The following CUL5 variants were observed in gnomAD, a reference collection of about 807,000 sequenced individuals.
CUL5 encodes cullin 5, also known as cullin-5.
CUL5 carries 26 observed loss-of-function variants against 108.8 expected under a neutral mutation model. The observed-to-expected ratio is 0.24, with a 90% CI of 0.18 to 0.33. CUL5 has a LOEUF of 0.33. CUL5 is among the 10% of genes least tolerant of loss of function. CUL5 has a pLI of 1.00. For missense variants in CUL5, 524 were observed against 909.2 expected (o/e 0.58, Z 5.45); for synonymous variants, 334 against 298.0 (o/e 1.12, Z -1.25).
rs1470042819 is a variant in CUL5 at position 108,033,824 on chromosome 11, A to G, written c.47A>G (p.Glu16Gly). The G allele has an allele frequency of 7.5e-6, 12 of 1,607,800 alleles. No individual in the cohort carries two copies. The highest frequency in any genetic ancestry group is 1.3e-5 in the African/African-American group (1 of 74,532). Residue 16 changes from glutamate (E) to glycine (G), a missense_variant, in exon 2 of 19, where the codon GAA becomes GGA. Transcript: ENST00000393094. ...AAGAATAAAGGTTCTCTTCAGTTTG[A>G]AGACAAATGGGATTTTATGCGCCCG... ...LLKNKGSLQF[E>G]DKWDFMRPIV...
chr11:108,033,957 G>A (rs1565238328), intron 2 of CUL5, 46 bp downstream of exon 2: 1 of 1,170,768 alleles, frequency 8.5e-7, no homozygotes, highest in African/African-American at 1.5e-5. Flanking sequence ...GGAAATTTTA[G>A]TGATGTCTTT....
intron 11 of CUL5, among the ~76,000 whole-genome samples, chr11:108,086,807 G>A (rs1864230933): frequency 6.6e-6 from 1 of 152,182 alleles, no homozygotes; most frequent in African/African-American, 2.4e-5. Context: ...TCAGAATGTA[G>A]CAGCCTTCAG....
At chr11:108,103,892 G>A (rs536992586) in intron 18 of CUL5, among the ~76,000 whole-genome samples, 19 of 152,170 alleles carry the variant, frequency 1.2e-4, no homozygotes, top group Middle Eastern at 3.4e-3. Context: ...ACGTGTCATG[G>A]TCATTTGCTG....
At chr11:108,055,536 C>T (rs751864359) in intron 7 of CUL5, among the ~76,000 whole-genome samples, 2 of 152,032 alleles carry the variant, frequency 1.3e-5, no homozygotes, top group Non-Finnish European at 2.9e-5. Flanking sequence ...ACTGTAACTC[C>T]TGGGCATAAG....
At chr11:108,090,581 TATAA>T (rs1312683410) in intron 13 of CUL5, among the ~76,000 whole-genome samples, 2 of 152,362 alleles carry the variant, frequency 1.3e-5, no homozygotes, top group Admixed American at 6.5e-5. Context: ...TAGAGATGTT[TATAA>T]ATGATAACAA....
intron 7 of CUL5, among the ~76,000 whole-genome samples, chr11:108,066,375 C>A (rs1034114454): frequency 6.6e-6 from 1 of 151,936 alleles, no homozygotes; most frequent in Non-Finnish European, 1.5e-5. Context: ...TTATTTCATA[C>A]CCCTGATTTT....
chr11:108,031,584 A>G (rs1190743307), intron 1 of CUL5, among the ~76,000 whole-genome samples: 2 of 152,136 alleles, frequency 1.3e-5, no homozygotes, highest in African/African-American at 4.8e-5. Flanking sequence ...AGGTTTGTTG[A>G]AGATCAGATA....
intron 1 of CUL5, among the ~76,000 whole-genome samples, chr11:108,032,183 C>A: frequency 6.6e-6 from 1 of 152,212 alleles, no homozygotes; most frequent in South Asian, 2.1e-4. Flanking sequence ...TAAAGAAAAT[C>A]GTGACTTTTG....
At chr11:108,083,986 C>T (rs1395122750) in intron 11 of CUL5, among the ~76,000 whole-genome samples, 1 of 152,086 alleles carries the variant, frequency 6.6e-6, no homozygotes, top group Non-Finnish European at 1.5e-5. Flanking sequence ...GATTTTTTGG[C>T]GATTTTTTTT....
chr11:108,022,239 C>T (rs1047828497), intron 1 of CUL5, among the ~76,000 whole-genome samples: 3 of 152,098 alleles, frequency 2.0e-5, no homozygotes, highest in East Asian at 1.9e-4. Context: ...TGGGTGTTTT[C>T]GGGGCGAACC....
intron 1 of CUL5, among the ~76,000 whole-genome samples, chr11:108,027,405 G>T (rs915624770): frequency 1.3e-4 from 19 of 151,914 alleles, no homozygotes; most frequent in African/African-American, 3.9e-4. Flanking sequence ...CTGAGTAGCC[G>T]GGATTACTGG....
chr11:108,048,648 C>CTTTTTTTTTTTTTTTTTTTTTTT lies in CUL5; in HGVS notation c.235-1228_235-1206dup, dbSNP rs200991204. ...ATAGTGGGGAAATAGACTCCACCAC[C>CTTTTTTTTTTTTTTTTTTTTTTT]TTTTTTTTTTTTTTTTTTTTTTTTT... On this transcript the variant is annotated intron_variant, in intron 3 of 18. Coordinates refer to ENST00000393094, the MANE Select transcript of CUL5 (RefSeq NM_003478.6). Among the ~76,000 whole-genome samples, 84 of 116,852 alleles carry CTTTTTTTTTTTTTTTTTTTTTTT rather than the reference C, an allele frequency of 7.2e-4. 4 individuals are homozygous for CTTTTTTTTTTTTTTTTTTTTTTT. Among genetic ancestry groups the CTTTTTTTTTTTTTTTTTTTTTTT allele is most frequent in the Non-Finnish European group, 1.2e-3 (69 of 58,976 alleles). The allele number at this position is 116,852 out of a possible 152,430, so 76.7% of individuals were successfully genotyped here. A position where few individuals can be genotyped will look rare whatever the true frequency, so the allele number is the denominator to read the frequency against.
In CUL5 at chr11:108,014,630, C is replaced by A. The variant is rs1040603805; in HGVS notation, c.24+5258C>A. On this transcript the variant is annotated intron_variant, in intron 1 of 18. Transcript: ENST00000393094. ...GCATTTGTGCCAGTGACATCTTGTT[C>A]ATTGAAACCGTAACCATAGCAGGAG... is the stretch of plus-strand genomic sequence containing the variant. Among the ~76,000 whole-genome samples the A allele has an allele frequency of 6.6e-5, 10 of 152,278 alleles. No individual in the cohort carries two copies. In the South Asian group the frequency reaches 1.0e-3, roughly 16 times the overall value.
intron 1 of CUL5, among the ~76,000 whole-genome samples, chr11:108,028,349 C>T (rs1217641970): frequency 3.3e-5 from 5 of 152,146 alleles, no homozygotes; most frequent in Non-Finnish European, 1.5e-5. Context: ...CAGATGCTTA[C>T]TGTTAGGAAG....
Position 108,025,698 on chromosome 11 carries a change from T to TA in CUL5, c.25-8103dup, listed in dbSNP as rs528125000. 6.6e-5 allele frequency among the ~76,000 whole-genome samples: 10 copies of TA among 152,232 alleles called. No individual in the cohort carries two copies. In the East Asian group the frequency reaches 1.7e-3, roughly 26 times the overall value. ...CCTAATGGTTCTTTCCCCAGTCTCT[T>TA]ACAGTTTTCTCACACCCAGGTACAG... On this transcript the variant is annotated intron_variant, in intron 1 of 18. Transcript: ENST00000393094.
chr11:108,025,198 A>G (rs1330511791), intron 1 of CUL5, among the ~76,000 whole-genome samples: 4 of 152,204 alleles, frequency 2.6e-5, no homozygotes, highest in Admixed American at 2.6e-4. Context: ...CTTTTTGGTC[A>G]TATAGAATAT....
intron 1 of CUL5, among the ~76,000 whole-genome samples, chr11:108,025,286 T>A (rs912655102): frequency 2.5e-4 from 38 of 152,176 alleles, no homozygotes; most frequent in African/African-American, 8.0e-4. Flanking sequence ...TTTTGGTGAT[T>A]TTTTTTGTCT....
At chr11:108,090,349 C>T (rs1388035951) in intron 13 of CUL5, among the ~76,000 whole-genome samples, 1 of 151,278 alleles carries the variant, frequency 6.6e-6, no homozygotes, top group Non-Finnish European at 1.5e-5. Flanking sequence ...ATTAACGAGG[C>T]GTGGTGGTGG....
At chr11:108,047,877 C>T (rs1863105187) in intron 3 of CUL5, among the ~76,000 whole-genome samples, 3 of 152,104 alleles carry the variant, frequency 2.0e-5, no homozygotes, top group Middle Eastern at 6.8e-3. Context: ...TGGAAATAAA[C>T]TTATGAAGAA....
Sources: allele counts gnomAD v4.1 joint callset (sites outside exome capture counted in the v4.1 genomes callset), GRCh38; gene constraint gnomAD v4.1.1; transcripts MANE v1.5; gene names NCBI Gene and HGNC (gene_info 2026-07-23, HGNC 2026-07-21).